MAF: variants seen among roughly 807,000 people sequenced by gnomAD.
The protein encoded by MAF is MAF bZIP transcription factor, also known as transcription factor Maf.
MAF carries 10 observed loss-of-function variants against 22.0 expected under a neutral mutation model. The observed-to-expected ratio is 0.45, with a 90% CI of 0.28 to 0.77. The LOEUF (loss-of-function observed/expected upper bound fraction) is 0.77, where lower values mean the gene tolerates loss of function less well. Among genes scored for constraint, MAF ranks in the 30% least tolerant of loss-of-function variants. MAF has a pLI of 0.12. For synonymous variants in MAF, 337 were observed against 255.8 expected, an observed-to-expected ratio of 1.32 and a Z score of -3.03; for missense variants, 544 against 548.4, an observed-to-expected ratio of 0.99 and a Z score of 0.08.
the MAF span, among the ~76,000 whole-genome samples, chr16:79,506,627 G>A: frequency 2.6e-5 from 4 of 152,212 alleles, no homozygotes; most frequent in African/African-American, 7.2e-5. Flanking sequence ...AGACCCAGAG[G>A]CAGTATTTTA....
the MAF span, among the ~76,000 whole-genome samples, chr16:79,382,398 G>T: frequency 1.3e-5 from 2 of 152,162 alleles, no homozygotes; most frequent in Non-Finnish European, 2.9e-5. Flanking sequence ...GGATGGAAAA[G>T]TTTCCTATCT....
At chr16:79,482,287 G>A in the MAF span, among the ~76,000 whole-genome samples, 2 of 152,060 alleles carry the variant, frequency 1.3e-5, no homozygotes, top group African/African-American at 4.8e-5. Flanking sequence ...CATCTTTCTG[G>A]GGGTTCATTT....
chr16:79,424,152 CTGGT>C, the MAF span, among the ~76,000 whole-genome samples: 5 of 152,174 alleles, frequency 3.3e-5, no homozygotes, highest in Non-Finnish European at 7.3e-5. Flanking sequence ...GCAAAATTAT[CTGGT>C]TGCAAGAGCT....
At chr16:79,206,782 T>A in the MAF span, 2 of 152,136 alleles carry the variant, frequency 1.3e-5, no homozygotes, top group African/African-American at 4.8e-5. Flanking sequence ...AAGAAGAGGG[T>A]GACTTACTGG....
the MAF span, among the ~76,000 whole-genome samples, chr16:79,327,955 T>C: frequency 2.0e-4 from 30 of 152,328 alleles, 1 homozygote; most frequent in African/African-American, 7.2e-4. Context: ...AAACCTTAGC[T>C]TTGCTGTTTC....
At chr16:79,574,071 G>A in the MAF span, among the ~76,000 whole-genome samples, 3 of 152,222 alleles carry the variant, frequency 2.0e-5, no homozygotes, top group African/African-American at 7.2e-5. Context: ...AAAAATAAAT[G>A]AGGCGTGAAC....
At chr16:79,332,828 A>G in the MAF span, among the ~76,000 whole-genome samples, 1,401 of 152,368 alleles carry the variant, frequency 9.2e-3, 21 homozygotes, top group African/African-American at 0.032. Flanking sequence ...CTCCAAAGCC[A>G]GCACTATTTC....
the MAF span, among the ~76,000 whole-genome samples, chr16:79,450,140 G>A: frequency 5.9e-5 from 9 of 152,078 alleles, no homozygotes; most frequent in African/African-American, 1.9e-4. Context: ...TAAAATCATC[G>A]TGTCATCTCA....
chr16:79,443,449 G>A, the MAF span, among the ~76,000 whole-genome samples: 1 of 152,314 alleles, frequency 6.6e-6, no homozygotes, highest in East Asian at 1.9e-4. Flanking sequence ...TGGTTGGATG[G>A]CCCAAGCCTG....
At chr16:79,357,327 G>A in the MAF span, among the ~76,000 whole-genome samples, 1 of 150,080 alleles carries the variant, frequency 6.7e-6, no homozygotes, top group African/African-American at 2.5e-5. Flanking sequence ...GCGGGCGCCT[G>A]TAATCCCAGC....
At chr16:79,334,901 T>C in the MAF span, among the ~76,000 whole-genome samples, 1 of 151,308 alleles carries the variant, frequency 6.6e-6, no homozygotes, top group African/African-American at 2.4e-5. Context: ...AGAACATACA[T>C]AGAGGCTGGG....
At chr16:79,290,345 C>A in the MAF span, among the ~76,000 whole-genome samples, 4 of 152,176 alleles carry the variant, frequency 2.6e-5, no homozygotes, top group Non-Finnish European at 5.9e-5. Context: ...ACGGGCTCTG[C>A]GGCAAATTAT....
the MAF span, among the ~76,000 whole-genome samples, chr16:79,381,867 C>T: frequency 2.6e-5 from 4 of 152,182 alleles, no homozygotes; most frequent in Non-Finnish European, 5.9e-5. Flanking sequence ...CTCTTGAACT[C>T]AACCTGCGCC....
the MAF span, among the ~76,000 whole-genome samples, chr16:79,368,728 A>G: frequency 6.6e-6 from 1 of 152,132 alleles, no homozygotes; most frequent in African/African-American, 2.4e-5. Flanking sequence ...TGTGTTGCTT[A>G]AACTCCTGCC....
chr16:79,376,487 G>A, the MAF span, among the ~76,000 whole-genome samples: 3 of 151,812 alleles, frequency 2.0e-5, no homozygotes, highest in South Asian at 6.3e-4. Flanking sequence ...GTTTTGTTTT[G>A]CTTTGTTTAG....
At chr16:79,225,625 C>T in the MAF span, among the ~76,000 whole-genome samples, 1 of 152,164 alleles carries the variant, frequency 6.6e-6, no homozygotes, top group East Asian at 1.9e-4. Context: ...GCAATCTATC[C>T]ATCTGACAAA....
chr16:79,400,377 G>C, the MAF span, among the ~76,000 whole-genome samples: 1 of 152,192 alleles, frequency 6.6e-6, no homozygotes, highest in Non-Finnish European at 1.5e-5. Context: ...CTCTGCACAG[G>C]TTCTTCTTCA....
chr16:79,224,647 G>A, the MAF span, among the ~76,000 whole-genome samples: 1 of 152,290 alleles, frequency 6.6e-6, no homozygotes, highest in South Asian at 2.1e-4. Flanking sequence ...AAGCAGATAA[G>A]CAACTTCAGC....
At chr16:79,589,004 G>C (rs1036124883), downstream of MAF, among the ~76,000 whole-genome samples, 1 of 152,086 alleles carries the variant, frequency 6.6e-6, no homozygotes, top group African/African-American at 2.4e-5. Flanking sequence ...AGTGTAAAAA[G>C]CATCTCAGAT....
Sources: gnomAD v4.1 joint callset for allele counts (sites outside exome capture counted in the v4.1 genomes callset) on GRCh38, gnomAD v4.1.1 for gene constraint, MANE v1.5 for transcripts, NCBI Gene and HGNC (gene_info 2026-07-23, HGNC 2026-07-21) for gene names.